TAOK2: variants seen among roughly 807,000 people sequenced by gnomAD.
The protein encoded by TAOK2 is serine/threonine-protein kinase TAO2.
In TAOK2, 42 loss-of-function variants were observed where a neutral mutation model predicts 122.5. The ratio of observed to expected loss-of-function variants is 0.34; its 90% confidence interval spans 0.27 to 0.44. The LOEUF (loss-of-function observed/expected upper bound fraction) is 0.44, where lower values mean the gene tolerates loss of function less well. Ranked by LOEUF, TAOK2 falls within the 20% of genes least tolerant of loss-of-function variation. The probability of loss-of-function intolerance (pLI) is 1.00; values close to 1 mark genes in which losing one functional copy is unlikely to be tolerated. For missense variants in TAOK2, 1,264 were observed against 1,644.9 expected (o/e 0.77, Z 4.01); for synonymous variants, 704 against 677.6 (o/e 1.04, Z -0.61).
chr16:29,991,658 G>T, downstream of TAOK2: 1 of 1,374,988 alleles, frequency 7.3e-7, no homozygotes, highest in Non-Finnish European at 9.5e-7. The surrounding 1 kb of genome is among the most constrained non-coding windows in gnomAD (Gnocchi z 5.6). Context: ...CCCCTGCAAG[G>T]GTAGGGGACA....
At position 29,981,849 on chromosome 16, in the gene TAOK2, T is replaced by C. The variant is rs765930832; in HGVS notation, c.750-10T>C. The C allele has an allele frequency of 3.8e-6, 6 of 1,590,584 alleles. No homozygotes were observed. Among genetic ancestry groups the C allele is most frequent in the Non-Finnish European group, 4.3e-6 (5 of 1,159,708 alleles). ...TCCCCACCCCTCTCCCACCCTCCTG[T>C]GACTTTCAGGTCTGAGTACTTCCGG... is the stretch of plus-strand genomic sequence containing the variant. On this transcript the variant is annotated splice_polypyrimidine_tract_variant and intron_variant, in intron 9 of 15. Transcript: ENST00000308893.
chr16:29,982,974 C>T (rs974555033), intron 11 of TAOK2, 73 bp downstream of exon 11: 1 of 1,603,694 alleles, frequency 6.2e-7, no homozygotes, highest in Non-Finnish European at 8.5e-7. Context: ...TTGGCCCCTT[C>T]CCCAGCCCTA....
intron 1 of TAOK2, among the ~76,000 whole-genome samples, chr16:29,976,523 C>A (rs957062868): frequency 6.6e-6 from 1 of 152,358 alleles, no homozygotes; most frequent in East Asian, 1.9e-4. Flanking sequence ...CCCCAGGAGT[C>A]CAGCTCTGCT....
chr16:29,985,089 A>C lies in TAOK2; in HGVS notation c.1423-124A>C, dbSNP rs879068835. 1.9e-5 allele frequency: 23 copies of C among 1,234,414 alleles called. No individual in the cohort carries two copies. In the South Asian group the frequency reaches 4.2e-4, roughly 23 times the overall value. 76.5% of individuals were successfully genotyped at this position (1,234,414 alleles called of 1,614,324 possible). On this transcript the variant is annotated intron_variant, in intron 13 of 15. Transcript: ENST00000308893. This position sits in a 1 kb window ranked among gnomAD's most constrained non-coding sequence, Gnocchi z 6.9. Reference sequence around the variant, plus strand: ...CAGGCTAGAGTGGCCGTGTGTGAGGAAGGTGTTAAATGAGAATGAAACCCA... The same window carrying C: ...CAGGCTAGAGTGGCCGTGTGTGAGGCAGGTGTTAAATGAGAATGAAACCCA...
In TAOK2 at chr16:29,981,901, A is replaced by G. The variant is rs780212546; in HGVS notation, c.792A>G (p.Lys264=). The G allele has an allele frequency of 1.9e-6, 3 of 1,613,976 alleles. No homozygotes were observed. The highest frequency in any genetic ancestry group is 2.5e-6 in the Non-Finnish European group (3 of 1,180,020). The change falls in exon 10 of 16, where the codon AAA becomes AAG. Residue 264 remains lysine (K), a synonymous_variant. Transcript: ENST00000308893. Reference sequence around the variant, plus strand: ...ATTTTGTCGACTCCTGTCTTCAGAAAATCCCTCAAGACAGACCAACCTCAG... The same window carrying G: ...ATTTTGTCGACTCCTGTCTTCAGAAGATCCCTCAAGACAGACCAACCTCAG... ...FRNFVDSCLQ[K]IPQDRPTSEV...
chr16:29,983,703 GTTTTT>G, intron 13 of TAOK2, 39 bp downstream of exon 13: 3 of 1,577,662 alleles, frequency 1.9e-6, no homozygotes, highest in Non-Finnish European at 2.6e-6. Flanking sequence ...CTCGCTGTCT[GTTTTT>G]TAAGTCTTTT....
rs1177333840 is a variant in TAOK2 at position 29,982,567 on chromosome 16, C to CT, written c.832-166dup. On this transcript the variant is annotated intron_variant, in intron 10 of 15. Coordinates refer to ENST00000308893, the MANE Select transcript of TAOK2 (RefSeq NM_016151.4). ...GAAGAGTCTGTCTGGGGAGTAGGTA[C>CT]TGGGTGGTACAGAAAATTGTGAGAG... Among the ~76,000 whole-genome samples the CT allele has an allele frequency of 3.9e-4, 33 of 84,436 alleles. 1 individual carries two copies. The highest frequency in any genetic ancestry group is 3.1e-3 in the Admixed American group (26 of 8,454). The allele number at this position is 84,436 out of a possible 152,430, so 55.4% of individuals were successfully genotyped here. A position where few individuals can be genotyped will look rare whatever the true frequency, so the allele number is the denominator to read the frequency against.
At chr16:29,988,537 AT>A (rs2069888305), downstream of TAOK2, 2 of 1,158,306 alleles carry the variant, frequency 1.7e-6, no homozygotes, top group Non-Finnish European at 2.2e-6. Flanking sequence ...CTCCAGCCTC[AT>A]GCTCTCTGCC....
chr16:29,987,957 C>T lies in TAOK2; in HGVS notation c.3685C>T (p.Arg1229Trp), dbSNP rs3814882. 1.6e-4 allele frequency: 253 copies of T among 1,542,522 alleles called. No homozygotes were observed. In the East Asian group the frequency reaches 4.4e-3, roughly 27 times the overall value. Residue 1229 changes from arginine (R) to tryptophan (W), a missense_variant, in exon 16 of 16, where the codon CGG becomes TGG. Arg to Trp is a moderately radical substitution (Grantham distance 101, BLOSUM62 -3). This residue lies in a region of TAOK2 where 824 missense variants were observed against 908.7 expected (regional missense o/e 0.91). Coordinates refer to ENST00000308893, the MANE Select transcript of TAOK2 (RefSeq NM_016151.4). The part of the protein sequence containing the change: ...AGRRSRTRQS[R>W]ALPPWR ...GCGGAGGTCACGCACCCGCCAGTCC[C>T]GGGCCCTGCCCCCCTGGAGGTAGCT...
chr16:29,989,103 TG>T (rs1312666203), downstream of TAOK2: 1 of 985,254 alleles, frequency 1.0e-6, no homozygotes, highest in Non-Finnish European at 1.2e-6. Context: ...TCCTTAGTCG[TG>T]TTGCTTTCTT....
intron 1 of TAOK2, among the ~76,000 whole-genome samples, chr16:29,975,125 C>T (rs1567236006): frequency 6.6e-6 from 1 of 151,700 alleles, no homozygotes; most frequent in African/African-American, 2.4e-5. Flanking sequence ...TGTGTGTATG[C>T]GTGTGTGTGT....
rs769082388 is a variant in TAOK2 at position 29,983,336 on chromosome 16, C to G, written c.1260+4C>G. 3.1e-6 allele frequency: 5 copies of G among 1,591,530 alleles called. No individual in the cohort carries two copies. The highest frequency in any genetic ancestry group is 3.4e-5 in the Admixed American group (2 of 59,594). On this transcript the variant is annotated splice_donor_region_variant and intron_variant, in intron 12 of 15. Transcript: ENST00000308893. The stretch of plus-strand genomic sequence containing the variant: ...CTCCATTATCCACCGGCTGCCGGTA[C>G]ACAGCTCACCCTTGGGGGACCCGAG...
In TAOK2 at chr16:29,987,929, CG is replaced by C. The variant is rs1405043466; in HGVS notation, c.3660del (p.Arg1221GlyfsTer17). ...GCCAGCCACTGCCAGGGACTCTAGC[CG>C]GGCGGAGGTCACGCACCCGCCAGTC... ...SRQPLPGTLAGRRSRTRQSRA... is the reference protein window; with the variant it reads ...SRQPLPGTLAXRRSRTRQSRA... On this transcript the variant is annotated frameshift_variant, in exon 16 of 16. Transcript: ENST00000308893. LOFTEE classifies it high-confidence loss of function. 1.3e-6 allele frequency: 2 copies of C among 1,546,834 alleles called. No individual in the cohort carries two copies. The highest frequency in any genetic ancestry group is 2.7e-5 in the African/African-American group (2 of 74,228).
rs1309019834 is a variant in TAOK2, at chr16:29,986,801, T to C, written c.2529T>C (p.Pro843=). 3 of 1,613,764 alleles carry C rather than the reference T, an allele frequency of 1.9e-6. No individual in the cohort carries two copies. The highest frequency in any genetic ancestry group is 2.2e-5 in the East Asian group (1 of 44,890). ...TTGATGAGGAAGTTTGGGGTCTGCC[T>C]GAGGAGATAGAGGAGCTTAGGGTGC... is the stretch of plus-strand genomic sequence containing the variant. ...SLVDEEVWGL[P]EEIEELRVPS... Residue 843 remains proline (P), a synonymous_variant, in exon 16 of 16, where the codon CCT becomes CCC. Transcript: ENST00000308893. The surrounding 1 kb of genome is among the most constrained non-coding windows in gnomAD (Gnocchi z 4.2).
Position 29,978,962 on chromosome 16 carries a change from C to T in TAOK2, c.353-12C>T, listed in dbSNP as rs751945683. On this transcript the variant is annotated splice_polypyrimidine_tract_variant and intron_variant, in intron 5 of 15. Coordinates refer to ENST00000308893, the MANE Select transcript of TAOK2 (RefSeq NM_016151.4). ...GCGCTCCCTCGGGTTGATGTTCTTCCTCACTCTCCAGTGCACAAGAAACCC... is the reference window on the plus strand; with the variant it reads ...GCGCTCCCTCGGGTTGATGTTCTTCTTCACTCTCCAGTGCACAAGAAACCC... The T allele has an allele frequency of 1.2e-5, 19 of 1,614,000 alleles. No homozygotes were observed. The South Asian group carries it at 1.9e-4, about 16-fold the overall frequency.
chr16:29,981,798 G>A, intron 9 of TAOK2, 44 bp downstream of exon 9: 3 of 1,611,514 alleles, frequency 1.9e-6, no homozygotes, highest in Middle Eastern at 3.3e-4. Context: ...GTTAGGCCAT[G>A]GGGTATGGAT....
rs975547890 is a variant in TAOK2 at position 29,983,684 on chromosome 16, C to G, written c.1422+20C>G. ...TCCCTGGTGAGTGTAGCCATCCTCA[C>G]TCAGCCTGCTCGCTGTCTGTTTTTT... On this transcript the variant is annotated intron_variant, in intron 13 of 15. Coordinates refer to ENST00000308893, the MANE Select transcript of TAOK2 (RefSeq NM_016151.4). The G allele has an allele frequency of 6.3e-7, 1 of 1,590,426 alleles. No individual in the cohort carries two copies. Among genetic ancestry groups the G allele is most frequent in the Non-Finnish European group, 8.6e-7 (1 of 1,165,992 alleles).
At position 29,982,175 on chromosome 16, in the gene TAOK2, A is replaced by G. The variant is rs573500835; in HGVS notation, c.831+235A>G. 2.0e-5 allele frequency among the ~76,000 whole-genome samples: 3 copies of G among 152,352 alleles called. No homozygotes were observed. The East Asian group carries it at 5.8e-4, about 29-fold the overall frequency. ...CTTCTTTTATTAATCAAAGATTTAT[A>G]TAATTGCCAGCCAGAGCTTCTGGTC... is the stretch of plus-strand genomic sequence containing the variant. On this transcript the variant is annotated intron_variant, in intron 10 of 15. Coordinates refer to ENST00000308893, the MANE Select transcript of TAOK2 (RefSeq NM_016151.4).
In TAOK2 at chr16:29,983,552, G is replaced by A; in HGVS notation, c.1310G>A (p.Ser437Asn). 1 of 1,613,816 alleles carries A rather than the reference G, an allele frequency of 6.2e-7. No homozygotes were observed. Among genetic ancestry groups the A allele is most frequent in the Non-Finnish European group, 8.5e-7 (1 of 1,179,968 alleles). The change falls in exon 13 of 16, where the codon AGC (serine) becomes AAC (asparagine). Residue 437 changes from serine (S) to asparagine (N), a missense_variant. Physicochemically the swap from Ser to Asn is conservative, Grantham distance 46 (BLOSUM62 1). Transcript: ENST00000308893. Reference protein sequence around the residue: ...DDPYQPEITPSPLQPPAAPAP... With the variant: ...DDPYQPEITPNPLQPPAAPAP... ...CCCTACCAGCCAGAGATAACCCCCAGCCCTCTCCAGCCGCCTGCAGCCCCA... is the reference window on the plus strand; with the variant it reads ...CCCTACCAGCCAGAGATAACCCCCAACCCTCTCCAGCCGCCTGCAGCCCCA...
Sources: gnomAD v4.1 joint callset for allele counts (sites outside exome capture counted in the v4.1 genomes callset) on GRCh38, gnomAD v4.1.1 for gene constraint, gnomAD v4.1.1 regional missense constraint, Gnocchi (gnomAD v3.1) non-coding constraint, MANE v1.5 for transcripts, NCBI Gene and HGNC (gene_info 2026-07-23, HGNC 2026-07-21) for gene names.